CTNND2: variants seen among roughly 807,000 people sequenced by gnomAD.
CTNND2 encodes the protein catenin delta 2.
A neutral mutation model predicts 144.4 loss-of-function variants in CTNND2; 22 were observed. That is an observed-to-expected ratio of 0.15 (90% confidence interval 0.11 to 0.22). The LOEUF (loss-of-function observed/expected upper bound fraction) is 0.22. CTNND2 is among the 10% of genes least tolerant of loss of function. The pLI, the probability that CTNND2 is intolerant of heterozygous loss-of-function variation, is 1.00. For synonymous variants in CTNND2, 751 were observed against 695.6 expected (o/e 1.08, Z -1.25); for missense variants, 1,353 against 1,618.8 (o/e 0.84, Z 2.82).
intron 1 of CTNND2, among the ~76,000 whole-genome samples, chr5:11,897,228 T>C (rs1206568315): frequency 6.6e-6 from 1 of 152,234 alleles, no homozygotes; most frequent in Non-Finnish European, 1.5e-5. Context: ...CATTATTGTA[T>C]ACTGTTGAAG....
intron 6 of CTNND2, among the ~76,000 whole-genome samples, chr5:11,390,356 G>T (rs532631870): frequency 6.6e-6 from 1 of 152,312 alleles, no homozygotes; most frequent in South Asian, 2.1e-4. Context: ...TCTATGGAGG[G>T]AGTAGGAATG....
intron 12 of CTNND2, among the ~76,000 whole-genome samples, chr5:11,155,336 C>T (rs895024912): frequency 3.9e-5 from 6 of 152,198 alleles, no homozygotes; most frequent in Non-Finnish European, 7.3e-5. Flanking sequence ...TGGAGGACTC[C>T]TTCATCATAA....
At chr5:11,106,456 C>G (rs1044637624) in intron 14 of CTNND2, among the ~76,000 whole-genome samples, 3 of 152,188 alleles carry the variant, frequency 2.0e-5, no homozygotes, top group African/African-American at 7.2e-5. Context: ...AAGTGGTCAG[C>G]AAAGTGACAT....
At chr5:11,204,868 C>T (rs754509585) in intron 10 of CTNND2, among the ~76,000 whole-genome samples, 5 of 151,978 alleles carry the variant, frequency 3.3e-5, no homozygotes, top group African/African-American at 1.2e-4. Flanking sequence ...ACCCCGAGGG[C>T]GTGGCCTCCC....
chr5:11,798,277 A>G (rs1791505580), intron 1 of CTNND2, among the ~76,000 whole-genome samples: 1 of 151,150 alleles, frequency 6.6e-6, no homozygotes, highest in Admixed American at 6.6e-5. Flanking sequence ...AAAAAAAAAA[A>G]GGTTTGTGTG....
chr5:11,318,055 T>C (rs78362288), intron 9 of CTNND2, among the ~76,000 whole-genome samples: 1,625 of 152,274 alleles, frequency 0.011, 23 homozygotes, highest in African/African-American at 0.036. Flanking sequence ...TCAGAGGTGC[T>C]CAGGGAACCC....
chr5:11,113,314 C>T lies in CTNND2; in HGVS notation c.2278-2271G>A, dbSNP rs532882801. On this transcript the variant is annotated intron_variant, in intron 13 of 21. Coordinates refer to ENST00000304623, the MANE Select transcript of CTNND2 (RefSeq NM_001332.4). ...TTGAGAAGAGGGGTGAGCAAACTGC[C>T]GCCCAGGGGTCCGATCCAGCCCACA... is the stretch of plus-strand genomic sequence containing the variant. 3.3e-5 allele frequency among the ~76,000 whole-genome samples: 5 copies of T among 152,212 alleles called. 1 individual carries two copies. The highest frequency in any genetic ancestry group is 6.8e-3 in the Middle Eastern group (2 of 294).
At position 11,381,977 on chromosome 5, in the gene CTNND2, AAAAACAAAAC is replaced by A. The variant is rs70949320; in HGVS notation, c.1177+2678_1177+2687del. Among the ~76,000 whole-genome samples, 553 of 151,116 alleles carry A rather than the reference AAAAACAAAAC, an allele frequency of 3.7e-3. 1 individual carries two copies. The highest frequency in any genetic ancestry group is 0.015 in the South Asian group (70 of 4,720). On this transcript the variant is annotated intron_variant, in intron 7 of 21. Coordinates refer to ENST00000304623, the MANE Select transcript of CTNND2 (RefSeq NM_001332.4). ...GAGAGACTCTGTCTCAAAAAAACAA[AAAAACAAAAC>A]AAAACAAAACAAAACAAAACAAAAC...
At chr5:11,056,040 G>C (rs1333105639) in intron 16 of CTNND2, among the ~76,000 whole-genome samples, 1 of 152,224 alleles carries the variant, frequency 6.6e-6, no homozygotes, top group Non-Finnish European at 1.5e-5. Flanking sequence ...ATTCCAACAT[G>C]AGTAGTTGCA....
chr5:11,705,503 A>G (rs1785650857), intron 2 of CTNND2, among the ~76,000 whole-genome samples: 1 of 152,196 alleles, frequency 6.6e-6, no homozygotes, highest in Non-Finnish European at 1.5e-5. Context: ...ATAAAATAAT[A>G]CCTGGGATGA....
chr5:11,669,616 C>G (rs1307295578), intron 2 of CTNND2, among the ~76,000 whole-genome samples: 4 of 152,046 alleles, frequency 2.6e-5, no homozygotes, highest in African/African-American at 9.7e-5. Context: ...CTGATATCCC[C>G]TTTATCATTT....
intron 8 of CTNND2, among the ~76,000 whole-genome samples, chr5:11,347,009 C>T (rs1485508435): frequency 2.0e-5 from 3 of 151,974 alleles, no homozygotes; most frequent in Non-Finnish European, 4.4e-5. Flanking sequence ...GAATGTGTTC[C>T]GGTAATGTTA....
chr5:11,678,086 G>A (rs1159338017), intron 2 of CTNND2, among the ~76,000 whole-genome samples: 1 of 152,072 alleles, frequency 6.6e-6, no homozygotes, highest in African/African-American at 2.4e-5. Flanking sequence ...GTGTCAGACA[G>A]AACTCTGACA....
intron 1 of CTNND2, among the ~76,000 whole-genome samples, chr5:11,763,330 A>G (rs1789388444): frequency 6.6e-6 from 1 of 152,182 alleles, no homozygotes; most frequent in African/African-American, 2.4e-5. Flanking sequence ...GGCAATGAAA[A>G]TGGGAGAAAC....
At chr5:11,001,309 G>C (rs577574119) in intron 18 of CTNND2, among the ~76,000 whole-genome samples, 3 of 152,256 alleles carry the variant, frequency 2.0e-5, no homozygotes, top group African/African-American at 7.2e-5. Context: ...ATGCCACCCT[G>C]GTTTGGGGGG....
intron 6 of CTNND2, among the ~76,000 whole-genome samples, chr5:11,391,100 A>G (rs539737094): frequency 2.2e-4 from 34 of 151,902 alleles, no homozygotes; most frequent in African/African-American, 8.2e-4. Flanking sequence ...AAGTTGTGAC[A>G]AGGACATGAG....
At position 11,547,519 on chromosome 5, in the gene CTNND2, C is replaced by A. The variant is rs1406582050; in HGVS notation, c.287+17425G>T. On this transcript the variant is annotated intron_variant, in intron 3 of 21. Transcript: ENST00000304623. ...TGGGGGAACATGATTCTAATACATA[C>A]AACTAACAGATTAGTATTCAAATAT... Among the ~76,000 whole-genome samples, 3 of 151,992 alleles carry A rather than the reference C, an allele frequency of 2.0e-5. No individual in the cohort carries two copies. The East Asian group carries it at 5.8e-4, about 29-fold the overall frequency.
chr5:11,311,376 A>C (rs2530221), intron 9 of CTNND2, among the ~76,000 whole-genome samples: 4,006 of 72,718 alleles, frequency 0.055, 200 homozygotes, highest in Non-Finnish European at 0.058. Flanking sequence ...CATATACTCT[A>C]ACATTCTCTC....
At chr5:11,025,222 C>G (rs543880532) in intron 16 of CTNND2, among the ~76,000 whole-genome samples, 15 of 152,226 alleles carry the variant, frequency 9.9e-5, no homozygotes, top group African/African-American at 3.6e-4. Flanking sequence ...TAATATTATT[C>G]CACGGAGAAG....
Sources: allele counts gnomAD v4.1 joint callset (sites outside exome capture counted in the v4.1 genomes callset), GRCh38; gene constraint gnomAD v4.1.1; transcripts MANE v1.5; gene names NCBI Gene and HGNC (gene_info 2026-07-23, HGNC 2026-07-21).